Variants in SLIT2 observed in about 807,000 individuals in gnomAD.
SLIT2 encodes slit homolog 2 protein.
SLIT2 carries 41 observed loss-of-function variants against 185.7 expected under a neutral mutation model. That is an observed-to-expected ratio of 0.22 (90% CI 0.17 to 0.29). The LOEUF (loss-of-function observed/expected upper bound fraction) is 0.29, where lower values mean the gene tolerates loss of function less well. Ranked by LOEUF, SLIT2 falls within the 10% of genes least tolerant of loss-of-function variation. The pLI is 1.00. For missense variants in SLIT2, 1,571 were observed against 1,909.0 expected (o/e 0.82, Z 3.30); for synonymous variants, 693 against 680.2 (o/e 1.02, Z -0.29).
At chr4:20,352,276 G>A (rs892867601) in intron 4 of SLIT2, among the ~76,000 whole-genome samples, 3 of 151,140 alleles carry the variant, frequency 2.0e-5, no homozygotes, top group East Asian at 1.9e-4. Context: ...TGCTGATTGT[G>A]CAGAATAAAA....
chr4:20,428,470 A>G (rs1728723016), intron 4 of SLIT2, among the ~76,000 whole-genome samples: 1 of 152,202 alleles, frequency 6.6e-6, no homozygotes, highest in South Asian at 2.1e-4. Flanking sequence ...TTGTGAACTA[A>G]GAAAACGTAG....
intron 4 of SLIT2, among the ~76,000 whole-genome samples, chr4:20,360,463 CT>C (rs1722654299): frequency 6.6e-6 from 1 of 152,094 alleles, no homozygotes; most frequent in South Asian, 2.1e-4. Flanking sequence ...ATAAGCCTCT[CT>C]TTTAACAGGT....
chr4:20,569,203 C>G (rs758241940), intron 29 of SLIT2, 199 bp downstream of exon 29: 1 of 561,416 alleles, frequency 1.8e-6, no homozygotes, highest in Non-Finnish European at 3.2e-6. Context: ...AATCTCTGTT[C>G]AAACATACGC....
intron 4 of SLIT2, among the ~76,000 whole-genome samples, chr4:20,456,957 A>G (rs1455161664): frequency 2.0e-5 from 3 of 152,086 alleles, no homozygotes; most frequent in Non-Finnish European, 4.4e-5. Context: ...TGGATCATGA[A>G]AAAAAATATC....
intron 29 of SLIT2, among the ~76,000 whole-genome samples, chr4:20,575,798 T>A (rs1393231296): frequency 6.6e-6 from 1 of 151,992 alleles, no homozygotes; most frequent in African/African-American, 2.4e-5. Flanking sequence ...TTTATCTAGA[T>A]AGGAAAAAAG....
Position 20,533,635 on chromosome 4 carries a change from A to G in SLIT2, c.1752A>G (p.Val584=), listed in dbSNP as rs1721999862. Residue 584 remains valine (V), a synonymous_variant, in exon 18 of 37, where the codon GTA becomes GTG. Coordinates refer to ENST00000504154, the MANE Select transcript of SLIT2 (RefSeq NM_004787.4). ...GAGCATTTGAAGGAGCATCTGGTGT[A>G]AATGAAATACTTCTTACGAGTAATC... is the stretch of plus-strand genomic sequence containing the variant. ...EEGAFEGASG[V]NEILLTSNRL... is the part of the protein sequence containing the mutation. The G allele has an allele frequency of 1.9e-6, 3 of 1,611,864 alleles. No homozygotes were observed. Among genetic ancestry groups the G allele is most frequent in the Non-Finnish European group, 2.5e-6 (3 of 1,177,878 alleles).
chr4:20,324,208 C>A (rs1161497801), intron 4 of SLIT2, among the ~76,000 whole-genome samples: 2 of 152,040 alleles, frequency 1.3e-5, no homozygotes, highest in East Asian at 3.9e-4. Flanking sequence ...GTCTTTGGAG[C>A]CTGGGCATGA....
chr4:20,256,987 CAT>C (rs1711917339), intron 2 of SLIT2, among the ~76,000 whole-genome samples: 1 of 151,964 alleles, frequency 6.6e-6, no homozygotes, highest in Admixed American at 6.6e-5. Context: ...TTTGTTATAC[CAT>C]ACCCTAAGCG....
At chr4:20,287,726 C>T (rs1195754992) in intron 4 of SLIT2, among the ~76,000 whole-genome samples, 2 of 152,158 alleles carry the variant, frequency 1.3e-5, no homozygotes, top group African/African-American at 4.8e-5. Flanking sequence ...ATATCCCTAT[C>T]TCTCTCCTTC....
intron 4 of SLIT2, among the ~76,000 whole-genome samples, chr4:20,297,719 T>C (rs1049133959): frequency 1.2e-4 from 18 of 152,160 alleles, no homozygotes; most frequent in African/African-American, 3.6e-4. Context: ...AAAAATGATA[T>C]ATTTGTGTAA....
At chr4:20,334,003 A>G (rs963135414) in intron 4 of SLIT2, among the ~76,000 whole-genome samples, 1 of 152,178 alleles carries the variant, frequency 6.6e-6, no homozygotes, top group Non-Finnish European at 1.5e-5. Flanking sequence ...TTGTTCAGCA[A>G]TGTTTTCTAA....
chr4:20,459,281 G>A (rs935929882), intron 4 of SLIT2, among the ~76,000 whole-genome samples: 2 of 152,138 alleles, frequency 1.3e-5, no homozygotes, highest in South Asian at 4.1e-4. Context: ...TAGAAGAGAT[G>A]CATATAAATC....
chr4:20,321,459 C>T (rs1054386658), intron 4 of SLIT2, among the ~76,000 whole-genome samples: 5 of 152,250 alleles, frequency 3.3e-5, no homozygotes, highest in Middle Eastern at 3.4e-3. Flanking sequence ...AAAGAAGGAG[C>T]CATAAAATTC....
chr4:20,565,792 T>C (rs1725041568), intron 26 of SLIT2, among the ~76,000 whole-genome samples: 1 of 152,024 alleles, frequency 6.6e-6, no homozygotes, highest in South Asian at 2.1e-4. Flanking sequence ...TTTCTCCTAA[T>C]GGTTAAAAAC....
chr4:20,263,487 T>G (rs1304474453), intron 3 of SLIT2, among the ~76,000 whole-genome samples: 2 of 151,806 alleles, frequency 1.3e-5, no homozygotes, highest in East Asian at 3.9e-4. Flanking sequence ...TAGAAATCCC[T>G]GTTCTTCGAC....
Position 20,408,148 on chromosome 4 carries a change from T to A in SLIT2, c.396-59604T>A, listed in dbSNP as rs1726917099. Among the ~76,000 whole-genome samples, 3 of 152,172 alleles carry A rather than the reference T, an allele frequency of 2.0e-5. No individual in the cohort carries two copies. The South Asian group carries it at 6.2e-4, about 32-fold the overall frequency. On this transcript the variant is annotated intron_variant, in intron 4 of 36. Coordinates refer to ENST00000504154, the MANE Select transcript of SLIT2 (RefSeq NM_004787.4). Reference sequence around the variant, plus strand: ...GCTTAATATTAACGGGTTTTACTCATTTGTTTAACAGAGGCTTATTAAACA... The same window carrying A: ...GCTTAATATTAACGGGTTTTACTCAATTGTTTAACAGAGGCTTATTAAACA...
In SLIT2 at chr4:20,458,938, G is replaced by A. The variant is rs138796955; in HGVS notation, c.396-8814G>A. 1.7e-3 allele frequency among the ~76,000 whole-genome samples: 260 copies of A among 152,264 alleles called. 2 individuals carry two copies. Among genetic ancestry groups the A allele is most frequent in the African/African-American group, 6.1e-3 (254 of 41,562 alleles). On this transcript the variant is annotated intron_variant, in intron 4 of 36. Coordinates refer to ENST00000504154, the MANE Select transcript of SLIT2 (RefSeq NM_004787.4). ...TGAGTATTACCTTATTTTATCAGTT[G>A]TAAATTGCATACTTTTTCACACTTC...
intron 16 of SLIT2, among the ~76,000 whole-genome samples, chr4:20,529,314 T>C (rs1560504978): frequency 6.6e-6 from 1 of 152,210 alleles, no homozygotes; most frequent in Non-Finnish European, 1.5e-5. Context: ...CAGAAACTAA[T>C]TTATCTCTCA....
chr4:20,468,251 A>T (rs1714576316), intron 5 of SLIT2, among the ~76,000 whole-genome samples: 1 of 152,096 alleles, frequency 6.6e-6, no homozygotes, highest in African/African-American at 2.4e-5. Flanking sequence ...GTGCTATGAG[A>T]ATATGGACTA....
Sources: allele counts gnomAD v4.1 joint callset (sites outside exome capture counted in the v4.1 genomes callset), GRCh38; gene constraint gnomAD v4.1.1; transcripts MANE v1.5; gene names NCBI Gene and HGNC (gene_info 2026-07-23, HGNC 2026-07-21).